The following LYRM4 variants were observed in gnomAD, a reference collection of about 807,000 sequenced individuals.
LYRM4 encodes LYR motif-containing protein 4.
A neutral mutation model predicts 11.7 loss-of-function variants in LYRM4; 9 were observed. The observed-to-expected ratio is 0.77, with a 90% CI of 0.46 to 1.34. The LOEUF (loss-of-function observed/expected upper bound fraction) is 1.34. Among genes scored for constraint, LYRM4 ranks in the 40% most tolerant of loss-of-function variants. LYRM4 has a pLI of 0.00. For missense variants in LYRM4, 133 were observed against 112.5 expected, an observed-to-expected ratio of 1.18 and a Z score of -0.82; for synonymous variants, 42 against 40.4, an observed-to-expected ratio of 1.04 and a Z score of -0.15.
chr6:5,062,019 T>C, the LYRM4 span, among the ~76,000 whole-genome samples: 3 of 151,780 alleles, frequency 2.0e-5, no homozygotes, highest in Non-Finnish European at 4.4e-5. Flanking sequence ...TTCTTCCTTC[T>C]ATTCTCCTGG....
chr6:5,231,741 G>C (rs564987745), intron 1 of LYRM4, among the ~76,000 whole-genome samples: 1 of 152,126 alleles, frequency 6.6e-6, no homozygotes, highest in Non-Finnish European at 1.5e-5. Flanking sequence ...ACAATACCAC[G>C]CACTGTAACA....
At chr6:5,217,353 G>A (rs1394396530) in intron 1 of LYRM4, among the ~76,000 whole-genome samples, 5 of 152,118 alleles carry the variant, frequency 3.3e-5, no homozygotes, top group Admixed American at 2.6e-4. Context: ...AAGTGCACAC[G>A]CCTACCACCC....
intron 2 of LYRM4, among the ~76,000 whole-genome samples, chr6:5,168,646 TGGGGCA>T (rs199702891): frequency 1.3e-4 from 20 of 152,100 alleles, no homozygotes; most frequent in Non-Finnish European, 2.1e-4. Flanking sequence ...TGATCCTGGA[TGGGGCA>T]GGGGCAGGGG....
intron 2 of LYRM4, among the ~76,000 whole-genome samples, chr6:5,200,388 T>C (rs1761319454): frequency 6.6e-6 from 1 of 152,198 alleles, no homozygotes; most frequent in Admixed American, 6.5e-5. Flanking sequence ...TGTCTTGTGA[T>C]ATCAGCTCGA....
chr6:5,148,907 ACTCTAAGTTTTCATTT>A (rs936310412), intron 2 of LYRM4, among the ~76,000 whole-genome samples: 5 of 152,076 alleles, frequency 3.3e-5, no homozygotes, highest in African/African-American at 9.7e-5. Context: ...TTCCCCTAGA[ACTCTAAGTTTTCATTT>A]CTTAATCGTC....
intron 2 of LYRM4, among the ~76,000 whole-genome samples, chr6:5,155,852 T>C (rs1758381725): frequency 6.6e-6 from 1 of 152,222 alleles, no homozygotes; most frequent in Non-Finnish European, 1.5e-5. Flanking sequence ...CTCGGAATTG[T>C]GTATGTTCCA....
In LYRM4 at chr6:5,260,928, G is replaced by T. The variant is rs767265855; in HGVS notation, c.-195C>A. ...GGCGCCAGGCGTCCCGCGCCGCTTC[G>T]GGGGCGGGCGCAGGCAGGGCTCGGG... is the stretch of plus-strand genomic sequence containing the variant. On this transcript the variant is annotated 5_prime_UTR_variant, in exon 1 of 3. Coordinates refer to ENST00000330636, the MANE Select transcript of LYRM4 (RefSeq NM_020408.6). 3.4e-3 allele frequency: 4,623 copies of T among 1,357,292 alleles called. 16 individuals carry two copies. The highest frequency in any genetic ancestry group is 4.0e-3 in the Non-Finnish European group (4,215 of 1,059,594). The allele number at this position is 1,357,292 out of a possible 1,614,324, so 84.1% of individuals were successfully genotyped here. A position where few individuals can be genotyped will look rare whatever the true frequency, so the allele number is the denominator to read the frequency against.
At chr6:5,043,668 G>A in the LYRM4 span, among the ~76,000 whole-genome samples, 2 of 152,170 alleles carry the variant, frequency 1.3e-5, no homozygotes, top group African/African-American at 2.4e-5. Flanking sequence ...CTCCCTTGTC[G>A]CCTCCTCTGT....
chr6:5,197,374 G>T (rs1159270664), intron 2 of LYRM4, among the ~76,000 whole-genome samples: 1 of 152,162 alleles, frequency 6.6e-6, no homozygotes, highest in African/African-American at 2.4e-5. Flanking sequence ...TAATATCTTA[G>T]AATAGATTTT....
chr6:5,193,422 T>G (rs1437468506), intron 2 of LYRM4, among the ~76,000 whole-genome samples: 1 of 152,200 alleles, frequency 6.6e-6, no homozygotes, highest in Admixed American at 6.5e-5. Context: ...GGGTTCTTTC[T>G]GACTCTTCCC....
At chr6:5,127,720 T>C (rs990468516) in intron 2 of LYRM4, among the ~76,000 whole-genome samples, 7 of 152,252 alleles carry the variant, frequency 4.6e-5, no homozygotes, top group Admixed American at 2.0e-4. Flanking sequence ...CTGTTCTTTT[T>C]TGCTTTTTAA....
intron 2 of LYRM4, among the ~76,000 whole-genome samples, chr6:5,160,460 C>T (rs748021505): frequency 3.9e-5 from 6 of 151,984 alleles, no homozygotes; most frequent in African/African-American, 1.2e-4. Flanking sequence ...GGGTCTTTTC[C>T]GTGCTGTTCT....
the LYRM4 span, among the ~76,000 whole-genome samples, chr6:5,042,140 G>C: frequency 9.9e-5 from 15 of 152,210 alleles, no homozygotes; most frequent in East Asian, 2.5e-3. Flanking sequence ...ATCAAATATA[G>C]GTAAAAATAA....
chr6:5,210,468 A>G (rs1761935124), intron 2 of LYRM4, among the ~76,000 whole-genome samples: 1 of 152,176 alleles, frequency 6.6e-6, no homozygotes, highest in African/African-American at 2.4e-5. Context: ...TAAAAAAAAA[A>G]ACCAATGACT....
chr6:5,155,091 T>C (rs1483757297), intron 2 of LYRM4, among the ~76,000 whole-genome samples: 1 of 152,154 alleles, frequency 6.6e-6, no homozygotes, highest in Non-Finnish European at 1.5e-5. Context: ...TTATTATTAT[T>C]ATTTTTTTGA....
At chr6:5,123,524 T>G (rs367810078) in intron 2 of LYRM4, among the ~76,000 whole-genome samples, 1 of 152,198 alleles carries the variant, frequency 6.6e-6, no homozygotes, top group Non-Finnish European at 1.5e-5. Context: ...GGCCGGGGTA[T>G]AGGACAAAAC....
chr6:5,246,559 A>G (rs1764205719), intron 1 of LYRM4, among the ~76,000 whole-genome samples: 1 of 152,234 alleles, frequency 6.6e-6, no homozygotes, highest in Non-Finnish European at 1.5e-5. Flanking sequence ...TAAGGAGGGC[A>G]GGGTGCAGGG....
At chr6:5,065,540 C>T in the LYRM4 span, among the ~76,000 whole-genome samples, 2 of 152,164 alleles carry the variant, frequency 1.3e-5, no homozygotes, top group Non-Finnish European at 2.9e-5. Flanking sequence ...AAATAGGAAT[C>T]TGAAACAAAA....
intron 2 of LYRM4, among the ~76,000 whole-genome samples, chr6:5,148,665 C>T (rs1164727545): frequency 7.1e-5 from 1 of 14,100 alleles, no homozygotes; most frequent in African/African-American, 2.3e-4. Context: ...ACACACACCT[C>T]TCTCTCTCTC....
Sources: gnomAD v4.1 joint callset for allele counts (sites outside exome capture counted in the v4.1 genomes callset) on GRCh38, gnomAD v4.1.1 for gene constraint, MANE v1.5 for transcripts, NCBI Gene and HGNC (gene_info 2026-07-23, HGNC 2026-07-21) for gene names.